Variants in PACSIN2 observed in about 807,000 individuals in gnomAD.
The protein encoded by PACSIN2 is protein kinase C and casein kinase substrate in neurons 2, also known as protein kinase C and casein kinase substrate in neurons protein 2.
PACSIN2 carries 25 observed loss-of-function variants against 63.8 expected under a neutral mutation model. The ratio of observed to expected loss-of-function variants is 0.39; its 90% CI spans 0.29 to 0.55. The LOEUF is 0.55. Among genes scored for constraint, PACSIN2 ranks in the 20% least tolerant of loss-of-function variants. The pLI is 0.62. For missense variants in PACSIN2, 518 were observed against 646.9 expected, an observed-to-expected ratio of 0.80 and a Z score of 2.16; for synonymous variants, 255 against 256.2, an observed-to-expected ratio of 1.00 and a Z score of 0.05.
intron 1 of PACSIN2, among the ~76,000 whole-genome samples, chr22:42,918,295 C>A (rs971903161): frequency 1.3e-5 from 2 of 152,128 alleles, no homozygotes; most frequent in South Asian, 2.1e-4. Flanking sequence ...ATTATATCCC[C>A]CAAAGACAGC....
intron 2 of PACSIN2, among the ~76,000 whole-genome samples, chr22:42,904,608 G>A (rs888159857): frequency 3.9e-5 from 6 of 152,202 alleles, no homozygotes; most frequent in African/African-American, 1.4e-4. Context: ...GTCCAAAGCC[G>A]ATGATCTAGT....
chr22:42,977,087 C>T (rs1463654324), intron 1 of PACSIN2, among the ~76,000 whole-genome samples: 1 of 152,008 alleles, frequency 6.6e-6, no homozygotes, highest in Non-Finnish European at 1.5e-5. Context: ...CATATATATG[C>T]ATTAATAGAC....
Position 42,893,585 on chromosome 22 carries a change from C to T in PACSIN2, c.89G>A (p.Arg30Gln), listed in dbSNP as rs752468169. ...EVGNYKRTVK[R>Q]IDDGHRLCSD... ...GCACAGGCGGTGGCCATCGTCGATC[C>T]GCTTCACAGTCCGCTTGTAGTTCCC... Residue 30 changes from arginine to glutamine, a missense_variant, in exon 3 of 11, where the codon CGG (arginine) becomes CAG (glutamine). By Grantham distance (43) the Arg-to-Gln change is conservative (BLOSUM62 1). Transcript: ENST00000263246. The T allele has an allele frequency of 5.6e-6, 9 of 1,614,006 alleles. No homozygotes were observed. Among genetic ancestry groups the T allele is most frequent in the South Asian group, 1.1e-5 (1 of 91,086 alleles).
intron 2 of PACSIN2, among the ~76,000 whole-genome samples, chr22:42,898,396 C>T (rs1365273035): frequency 2.0e-5 from 3 of 151,998 alleles, no homozygotes; most frequent in East Asian, 1.9e-4. Flanking sequence ...CTCAGCCTCA[C>T]GAGTAGCTGG....
At chr22:42,963,588 T>A (rs1321281204) in intron 1 of PACSIN2, among the ~76,000 whole-genome samples, 1 of 152,174 alleles carries the variant, frequency 6.6e-6, no homozygotes, top group Admixed American at 6.5e-5. Flanking sequence ...TTGTACCACG[T>A]TTACCACGCT....
At chr22:43,006,658 T>C (rs1924109339) in intron 1 of PACSIN2, among the ~76,000 whole-genome samples, 2 of 151,796 alleles carry the variant, frequency 1.3e-5, no homozygotes, top group Non-Finnish European at 2.9e-5. Flanking sequence ...CTACCAAAAA[T>C]ACAAAAATTA....
intron 1 of PACSIN2, among the ~76,000 whole-genome samples, chr22:42,940,623 T>G (rs1237513596): frequency 6.6e-6 from 1 of 152,154 alleles, no homozygotes; most frequent in East Asian, 1.9e-4. Context: ...CCACCCCAGG[T>G]CCTGGGTTTC....
chr22:42,916,445 G>T (rs1931814397), intron 1 of PACSIN2, among the ~76,000 whole-genome samples: 1 of 152,070 alleles, frequency 6.6e-6, no homozygotes, highest in Non-Finnish European at 1.5e-5. Flanking sequence ...CTTGAGGGCA[G>T]GCACCGAGCT....
At chr22:42,953,411 T>A (rs1049925146) in intron 1 of PACSIN2, among the ~76,000 whole-genome samples, 1 of 152,134 alleles carries the variant, frequency 6.6e-6, no homozygotes, top group Non-Finnish European at 1.5e-5. Flanking sequence ...AATAAAAAAT[T>A]ACATGTCTAT....
chr22:42,894,222 AGTG>A, intron 2 of PACSIN2, among the ~76,000 whole-genome samples: 1 of 150,992 alleles, frequency 6.6e-6, no homozygotes, highest in East Asian at 1.9e-4. Context: ...CTGCAGCCAC[AGTG>A]GCTAGGCTGG....
chr22:42,892,509 AAGCTCTGACTGAC>A (rs2146673980), intron 3 of PACSIN2, among the ~76,000 whole-genome samples: 1 of 152,284 alleles, frequency 6.6e-6, no homozygotes, highest in East Asian at 1.9e-4. Flanking sequence ...TGTAAACCTC[AAGCTCTGACTGAC>A]AGCTTGATCC....
intron 1 of PACSIN2, among the ~76,000 whole-genome samples, chr22:42,943,695 TTATA>T: frequency 6.6e-6 from 1 of 152,140 alleles, no homozygotes; most frequent in Non-Finnish European, 1.5e-5. Context: ...CCACCTGACA[TTATA>T]TATTTTGATG....
intron 1 of PACSIN2, among the ~76,000 whole-genome samples, chr22:42,989,908 ATATATATGTGTG>A (rs1922909779): frequency 6.7e-6 from 1 of 149,704 alleles, no homozygotes; most frequent in Non-Finnish European, 1.5e-5. Flanking sequence ...ACATATATGT[ATATATATGTGTG>A]TATATATAGG....
chr22:42,902,566 G>A (rs1429061447), intron 2 of PACSIN2, among the ~76,000 whole-genome samples: 1 of 152,166 alleles, frequency 6.6e-6, no homozygotes, highest in Non-Finnish European at 1.5e-5. Context: ...GATCTCAGAG[G>A]CATGGTCAAC....
chr22:42,934,956 C>T (rs2146785473), intron 1 of PACSIN2, among the ~76,000 whole-genome samples: 1 of 152,016 alleles, frequency 6.6e-6, no homozygotes, highest in East Asian at 1.9e-4. Flanking sequence ...CGCTTTATCG[C>T]CCAGGCTGGA....
chr22:42,950,948 G>A (rs748225364), intron 1 of PACSIN2, among the ~76,000 whole-genome samples: 54 of 152,248 alleles, frequency 3.5e-4, no homozygotes, highest in Admixed American at 2.0e-3. Context: ...AGGGCTGGGG[G>A]AAAGCATGAA....
Position 42,953,877 on chromosome 22 carries a change from C to T in PACSIN2, c.-77-41720G>A, listed in dbSNP as rs149431816. Reference sequence around the variant, plus strand: ...CAAGGACACTGGAGGAAAAAAGAGACGAAATTCACCTAAGGAAAGCCAGGG... The same window carrying T: ...CAAGGACACTGGAGGAAAAAAGAGATGAAATTCACCTAAGGAAAGCCAGGG... On this transcript the variant is annotated intron_variant, in intron 1 of 10. Coordinates refer to ENST00000263246, the MANE Select transcript of PACSIN2 (RefSeq NM_001184970.3). Among the ~76,000 whole-genome samples the T allele has an allele frequency of 5.3e-5, 8 of 152,156 alleles. No homozygotes were observed. The East Asian group carries it at 1.4e-3, about 26-fold the overall frequency.
chr22:42,962,781 G>T (rs1020549688), intron 1 of PACSIN2, among the ~76,000 whole-genome samples: 4 of 133,592 alleles, frequency 3.0e-5, no homozygotes, highest in Non-Finnish European at 4.7e-5. Flanking sequence ...TGGGCGGGGG[G>T]GGGGGGCGGC....
At chr22:43,009,237 G>T (rs2146929471) in intron 1 of PACSIN2, among the ~76,000 whole-genome samples, 1 of 152,324 alleles carries the variant, frequency 6.6e-6, no homozygotes, top group African/African-American at 2.4e-5. Context: ...CCATCAACGT[G>T]CTGACCAAGC....
Sources: allele counts gnomAD v4.1 joint callset (sites outside exome capture counted in the v4.1 genomes callset), GRCh38; gene constraint gnomAD v4.1.1; transcripts MANE v1.5; gene names NCBI Gene and HGNC (gene_info 2026-07-23, HGNC 2026-07-21).